Variants in ATP7B observed in about 807,000 individuals in gnomAD.
The protein encoded by ATP7B is ATPase copper transporting beta, also known as copper-transporting ATPase 2.
A neutral mutation model predicts 118.9 loss-of-function variants in ATP7B; 113 were observed. The observed-to-expected ratio is 0.95, with a 90% CI of 0.82 to 1.11. The LOEUF is 1.11. Among genes scored for constraint, ATP7B ranks in the 50% most tolerant of loss-of-function variants. The pLI, the probability that ATP7B is intolerant of heterozygous loss-of-function variation, is 0.00. For missense variants in ATP7B, 1,867 were observed against 1,871.4 expected (o/e 1.00, Z 0.04); for synonymous variants, 777 against 727.4 (o/e 1.07, Z -1.10).
At chr13:52,001,727 T>C (rs1359645195) in intron 1 of ATP7B, among the ~76,000 whole-genome samples, 1 of 152,182 alleles carries the variant, frequency 6.6e-6, no homozygotes, top group African/African-American at 2.4e-5. Context: ...AATACATCTT[T>C]TACTTACTCT....
At chr13:51,955,290 G>T (rs941406702) in intron 9 of ATP7B, among the ~76,000 whole-genome samples, 3 of 152,176 alleles carry the variant, frequency 2.0e-5, no homozygotes, top group African/African-American at 7.2e-5. Context: ...GAGCTCAGGG[G>T]AGGCCTAGAC....
At position 51,939,501 on chromosome 13, in the gene ATP7B, G is replaced by A. The variant is rs9526809; in HGVS notation, c.3557-308C>T. 0.043 allele frequency among the ~76,000 whole-genome samples: 6,506 copies of A among 152,298 alleles called. 218 individuals carry two copies. Among genetic ancestry groups the A allele is most frequent in the South Asian group, 0.11 (544 of 4,820 alleles). On this transcript the variant is annotated intron_variant, in intron 16 of 20. Coordinates refer to ENST00000242839, the MANE Select transcript of ATP7B (RefSeq NM_000053.4). ...GCAAGGAGCACGTATGACACTTTGCGAAGTGCCTGGCTTGTAATAAGAATT... is the reference window on the plus strand; with the variant it reads ...GCAAGGAGCACGTATGACACTTTGCAAAGTGCCTGGCTTGTAATAAGAATT...
In ATP7B at chr13:51,948,663, C is replaced by T. The variant is rs147725198; in HGVS notation, c.2865+999G>A. The stretch of plus-strand genomic sequence containing the variant: ...GCAGCATCCCCCCAGTCACAAACAC[C>T]GAAAATGTCACAGCTGCCAACTGAG... On this transcript the variant is annotated intron_variant, in intron 12 of 20. Transcript: ENST00000242839. 2.3e-4 allele frequency among the ~76,000 whole-genome samples: 35 copies of T among 152,144 alleles called. No homozygotes were observed. In the East Asian group the frequency reaches 5.0e-3, roughly 22 times the overall value.
At chr13:52,010,785 T>C (rs2140750082) in intron 1 of ATP7B, among the ~76,000 whole-genome samples, 1 of 152,356 alleles carries the variant, frequency 6.6e-6, no homozygotes, top group East Asian at 1.9e-4. Flanking sequence ...TGTACGTGAA[T>C]AGAAAAAGAC....
In ATP7B at chr13:51,934,602, G is replaced by C. The variant is rs1956847852; in HGVS notation, c.*154C>G. 7.8e-6 allele frequency: 10 copies of C among 1,275,714 alleles called. No homozygotes were observed. The highest frequency in any genetic ancestry group is 9.8e-6 in the Non-Finnish European group (9 of 918,046). The allele number at this position is 1,275,714 out of a possible 1,614,324, so 79.0% of individuals were successfully genotyped here. ...GCCAAGCCCAGCTGCACCCAGACAA[G>C]GCCGCGTGCTGCAGGGCAGGATGAC... On this transcript the variant is annotated 3_prime_UTR_variant, in exon 21 of 21. Coordinates refer to ENST00000242839, the MANE Select transcript of ATP7B (RefSeq NM_000053.4).
At chr13:51,954,396 TG>T (rs1958207117) in intron 9 of ATP7B, among the ~76,000 whole-genome samples, 1 of 152,258 alleles carries the variant, frequency 6.6e-6, no homozygotes, top group Non-Finnish European at 1.5e-5. Flanking sequence ...ATGATCAATT[TG>T]TGCTTTCAGA....
At chr13:51,980,605 G>C (rs1364045128) in intron 1 of ATP7B, among the ~76,000 whole-genome samples, 2 of 152,230 alleles carry the variant, frequency 1.3e-5, no homozygotes, top group African/African-American at 2.4e-5. Context: ...TTTCATGAAG[G>C]CTTTCAAAGC....
At chr13:51,983,217 A>C (rs903032487) in intron 1 of ATP7B, among the ~76,000 whole-genome samples, 8 of 152,288 alleles carry the variant, frequency 5.3e-5, no homozygotes, top group African/African-American at 1.9e-4. Context: ...GGGATGCTCA[A>C]GCTTGGTCGG....
intron 20 of ATP7B, 85 bp from the exon 21 acceptor site, chr13:51,935,114 C>A: frequency 6.6e-7 from 1 of 1,520,678 alleles, no homozygotes; most frequent in Non-Finnish European, 8.9e-7. Flanking sequence ...GCCTCTCATC[C>A]ATCTTTTAAT....
intron 1 of ATP7B, among the ~76,000 whole-genome samples, chr13:52,006,394 T>G (rs1441715550): frequency 1.3e-5 from 2 of 152,230 alleles, no homozygotes; most frequent in African/African-American, 4.8e-5. Flanking sequence ...TGCACTCTGT[T>G]GCTGCTAAAA....
At chr13:51,971,619 C>T (rs887773660) in intron 2 of ATP7B, among the ~76,000 whole-genome samples, 15 of 152,200 alleles carry the variant, frequency 9.9e-5, no homozygotes, top group African/African-American at 1.7e-4. Context: ...TTACCTATTG[C>T]GTACAGGATT....
chr13:51,935,759 G>A, intron 19 of ATP7B, 64 bp from the exon 20 acceptor site: 1 of 1,465,662 alleles, frequency 6.8e-7, no homozygotes, highest in African/African-American at 1.4e-5. Context: ...GAGGGCTTCA[G>A]GCACCGGGCT....
rs533538068 is a variant in ATP7B, at chr13:51,996,723, C to CT, written c.51+14563dup. Among the ~76,000 whole-genome samples the CT allele has an allele frequency of 7.2e-5, 11 of 152,326 alleles. No homozygotes were observed. In the South Asian group the frequency reaches 2.1e-3, roughly 29 times the overall value. On this transcript the variant is annotated intron_variant, in intron 1 of 20. Transcript: ENST00000242839. ...AACTCCTGACTGAGAGATCTGTTCT[C>CT]TTTGAGGAAAGGCAACACCAAGGCT...
intron 1 of ATP7B, among the ~76,000 whole-genome samples, chr13:52,010,535 G>A (rs925993348): frequency 2.0e-5 from 3 of 152,184 alleles, no homozygotes; most frequent in Non-Finnish European, 4.4e-5. Flanking sequence ...CACTGAATTA[G>A]ACAGTTAGTG....
chr13:51,967,169 G>A, intron 4 of ATP7B: 2 of 1,557,740 alleles, frequency 1.3e-6, no homozygotes, highest in Non-Finnish European at 1.7e-6. Context: ...CATCACTTTG[G>A]ACAGGAGTTA....
rs758601871 is a variant in ATP7B, at chr13:51,957,504, A to C, written c.2447+12T>G. 1.2e-5 allele frequency: 20 copies of C among 1,610,562 alleles called. No individual in the cohort carries two copies. The highest frequency in any genetic ancestry group is 1.7e-5 in the Non-Finnish European group (20 of 1,176,726). On this transcript the variant is annotated intron_variant, in intron 9 of 20. Transcript: ENST00000242839. ...ATACCAACCACAAAGACATTTGATAACCATAACTCACCTGATGATTAAATT... is the reference window on the plus strand; with the variant it reads ...ATACCAACCACAAAGACATTTGATACCCATAACTCACCTGATGATTAAATT...
Position 51,965,032 on chromosome 13 carries a change from A to G in ATP7B, c.1709T>C (p.Ile570Thr), listed in dbSNP as rs563210058. The G allele has an allele frequency of 6.2e-7, 1 of 1,614,028 alleles. No homozygotes were observed. Among genetic ancestry groups the G allele is most frequent in the Non-Finnish European group, 8.5e-7 (1 of 1,180,018 alleles). Residue 570 changes from isoleucine (I) to threonine (T), a missense_variant and splice_region_variant, in exon 5 of 21, where the codon ATC (isoleucine) becomes ACC (threonine). Coordinates refer to ENST00000242839, the MANE Select transcript of ATP7B (RefSeq NM_000053.4). Reference sequence around the variant, plus strand: ...ACAGGACGCGCAGGTCATCCCTGTGATCTGCAACACAGGATGGCAAGAATC... The same window carrying G: ...ACAGGACGCGCAGGTCATCCCTGTGGTCTGCAACACAGGATGGCAAGAATC... Reference protein sequence around the residue: ...AGSDGNIELTITGMTCASCVH... With the variant: ...AGSDGNIELTTTGMTCASCVH...
intron 1 of ATP7B, among the ~76,000 whole-genome samples, chr13:51,999,487 T>G (rs1288616906): frequency 1.3e-5 from 2 of 152,168 alleles, no homozygotes; most frequent in Non-Finnish European, 2.9e-5. Context: ...TGAACAGTCT[T>G]GAGTGAAAAA....
intron 1 of ATP7B, among the ~76,000 whole-genome samples, chr13:51,996,419 A>G (rs1953210252): frequency 6.6e-6 from 1 of 152,172 alleles, no homozygotes; most frequent in South Asian, 2.1e-4. Context: ...GACCAGAAGG[A>G]GAGACCACAT....
Sources: allele counts gnomAD v4.1 joint callset (sites outside exome capture counted in the v4.1 genomes callset), GRCh38; gene constraint gnomAD v4.1.1; transcripts MANE v1.5; gene names NCBI Gene and HGNC (gene_info 2026-07-23, HGNC 2026-07-21).